ANO4: variants seen among roughly 807,000 people sequenced by gnomAD.
The protein encoded by ANO4 is anoctamin-4.
In ANO4, 69 loss-of-function variants were observed where a neutral mutation model predicts 141.9. That is an observed-to-expected ratio of 0.49 (90% CI 0.40 to 0.59). The LOEUF is 0.59. ANO4 is among the 20% of genes least tolerant of loss of function. The pLI is 0.00. For synonymous variants in ANO4, 350 were observed against 394.3 expected (o/e 0.89, Z 1.33); for missense variants, 894 against 1,162.2 (o/e 0.77, Z 3.36).
At chr12:101,080,865 G>GAT (rs373785625) in intron 15 of ANO4, among the ~76,000 whole-genome samples, 28,853 of 109,200 alleles carry the variant, frequency 0.26, 4,244 homozygotes, top group Non-Finnish European at 0.35. Flanking sequence ...CTAGGTTCTA[G>GAT]ATATATATAT....
At chr12:101,021,225 T>C (rs918902023) in intron 9 of ANO4, among the ~76,000 whole-genome samples, 18 of 152,204 alleles carry the variant, frequency 1.2e-4, no homozygotes, top group African/African-American at 4.1e-4. Context: ...AGTCATTCTT[T>C]GGGAGTTGCT....
intron 7 of ANO4, among the ~76,000 whole-genome samples, chr12:100,976,569 G>A (rs1198405042): frequency 6.6e-6 from 1 of 152,198 alleles, no homozygotes; most frequent in Non-Finnish European, 1.5e-5. Context: ...AGATTTCTAG[G>A]CCTCAACCCC....
intron 15 of ANO4, among the ~76,000 whole-genome samples, chr12:101,080,900 T>TATATATATATATATACAC (rs1194122665): frequency 2.4e-4 from 31 of 131,020 alleles, no homozygotes; most frequent in Non-Finnish European, 3.2e-4. Context: ...TATATATATA[T>TATATATATATATATACAC]ACATACACAT....
In ANO4 at chr12:100,951,205, G is replaced by T. The variant is rs905870539; in HGVS notation, c.456+8670G>T. Among the ~76,000 whole-genome samples the T allele has an allele frequency of 2.0e-4, 30 of 152,278 alleles. 1 individual carries two copies. Among genetic ancestry groups the T allele is most frequent in the African/African-American group, 6.3e-4 (26 of 41,554 alleles). On this transcript the variant is annotated intron_variant, in intron 5 of 27. Transcript: ENST00000392977. ...AAAAATAACAGATGTTGGCAAAGTT[G>T]TGGAGAAAAGGGAATGTTTAGACAC...
In ANO4 at chr12:101,017,590, C is replaced by A. The variant is rs2046361691; in HGVS notation, c.735-2444C>A. 2.0e-5 allele frequency among the ~76,000 whole-genome samples: 3 copies of A among 152,162 alleles called. No homozygotes were observed. The South Asian group carries it at 6.2e-4, about 32-fold the overall frequency. On this transcript the variant is annotated intron_variant, in intron 8 of 27. Transcript: ENST00000392977. ...CTCAGCTGACCTCCAGGAGACTCAGCCTCCAGGCCTCAGGAAGTAGCTGGC... is the reference window on the plus strand; with the variant it reads ...CTCAGCTGACCTCCAGGAGACTCAGACTCCAGGCCTCAGGAAGTAGCTGGC...
intron 3 of ANO4, among the ~76,000 whole-genome samples, chr12:100,924,950 T>C (rs1456214615): frequency 6.6e-6 from 1 of 152,102 alleles, no homozygotes; most frequent in Non-Finnish European, 1.5e-5. Flanking sequence ...GGGTGATCTT[T>C]CTATGAACAG....
At chr12:101,107,268 G>A (rs2050485554) in intron 22 of ANO4, among the ~76,000 whole-genome samples, 1 of 152,140 alleles carries the variant, frequency 6.6e-6, no homozygotes, top group East Asian at 1.9e-4. Context: ...AGCATTATTT[G>A]GTACCTGACA....
intron 1 of ANO4, among the ~76,000 whole-genome samples, chr12:100,814,374 G>C (rs556037053): frequency 6.6e-6 from 1 of 152,000 alleles, no homozygotes; most frequent in Non-Finnish European, 1.5e-5. Context: ...GCCCATTTAC[G>C]TGAATGTTCC....
At chr12:100,865,379 A>G (rs891330865) in intron 1 of ANO4, among the ~76,000 whole-genome samples, 7 of 152,230 alleles carry the variant, frequency 4.6e-5, no homozygotes, top group Non-Finnish European at 1.0e-4. Flanking sequence ...CAGGCAACCT[A>G]CAGAATGGAA....
At chr12:100,755,945 A>G (rs994633950) in intron 3 of ANO4, among the ~76,000 whole-genome samples, 1 of 152,226 alleles carries the variant, frequency 6.6e-6, no homozygotes, top group Non-Finnish European at 1.5e-5. Flanking sequence ...TTAGGATGAC[A>G]TAGTTTGCAA....
At chr12:101,014,910 C>G (rs1002959742) in intron 8 of ANO4, among the ~76,000 whole-genome samples, 3 of 152,084 alleles carry the variant, frequency 2.0e-5, no homozygotes, top group Non-Finnish European at 4.4e-5. Context: ...GCTCACTATA[C>G]CCTCTAACTC....
At chr12:100,945,250 A>G (rs539199365) in intron 5 of ANO4, among the ~76,000 whole-genome samples, 1 of 152,342 alleles carries the variant, frequency 6.6e-6, no homozygotes, top group African/African-American at 2.4e-5. Flanking sequence ...TTTAACATTG[A>G]ATTTCAAGAA....
At chr12:100,966,828 CACATATATAT>C (rs1318185969) in intron 5 of ANO4, among the ~76,000 whole-genome samples, 1 of 125,210 alleles carries the variant, frequency 8.0e-6, no homozygotes, top group Non-Finnish European at 1.6e-5. Context: ...TATATATATA[CACATATATAT>C]ACACACACAC....
intron 5 of ANO4, among the ~76,000 whole-genome samples, chr12:100,966,484 T>G (rs939846163): frequency 6.6e-6 from 1 of 152,180 alleles, no homozygotes; most frequent in African/African-American, 2.4e-5. Context: ...CACATGGCAT[T>G]GTACCTATAC....
chr12:100,827,284 G>T (rs374316631), intron 1 of ANO4, among the ~76,000 whole-genome samples: 1 of 151,878 alleles, frequency 6.6e-6, no homozygotes, highest in Non-Finnish European at 1.5e-5. Context: ...TTGTACTCGC[G>T]ATTCCCTGTG....
chr12:101,062,231 T>G (rs921819840), intron 14 of ANO4, among the ~76,000 whole-genome samples: 20 of 152,182 alleles, frequency 1.3e-4, no homozygotes, highest in African/African-American at 4.8e-4. Flanking sequence ...ACAGCAAAGA[T>G]TGCTGCCTAT....
chr12:100,815,848 A>C (rs1024289529), intron 1 of ANO4, among the ~76,000 whole-genome samples: 7 of 152,226 alleles, frequency 4.6e-5, no homozygotes, highest in African/African-American at 1.7e-4. Context: ...AGTATTTGCC[A>C]TCACAAAACT....
chr12:101,025,232 A>C (rs976211208), intron 9 of ANO4, among the ~76,000 whole-genome samples: 5 of 152,250 alleles, frequency 3.3e-5, no homozygotes, highest in Admixed American at 1.3e-4. Context: ...ATATTGGGCA[A>C]CCCAAAACAA....
intron 1 of ANO4, among the ~76,000 whole-genome samples, chr12:100,850,929 A>AAT (rs1254740654): frequency 2.0e-5 from 3 of 152,262 alleles, no homozygotes; most frequent in Admixed American, 2.0e-4. Flanking sequence ...ATGAGATATT[A>AAT]ATATTCTATA....
Sources: gnomAD v4.1 joint callset for allele counts (sites outside exome capture counted in the v4.1 genomes callset) on GRCh38, gnomAD v4.1.1 for gene constraint, MANE v1.5 for transcripts, NCBI Gene and HGNC (gene_info 2026-07-23, HGNC 2026-07-21) for gene names.